DYNC2H1: variants seen among roughly 807,000 people sequenced by gnomAD.
DYNC2H1 encodes the protein cytoplasmic dynein 2 heavy chain 1.
Under a neutral mutation model 570.0 loss-of-function variants are expected in DYNC2H1, and 410 were observed. The ratio of observed to expected loss-of-function variants is 0.72; its 90% confidence interval spans 0.66 to 0.78. The LOEUF is 0.78. Among genes scored for constraint, DYNC2H1 ranks in the 30% least tolerant of loss-of-function variants. DYNC2H1 has a pLI of 0.00. For missense variants in DYNC2H1, 4,865 were observed against 5,046.4 expected, an observed-to-expected ratio of 0.96 and a Z score of 1.09; for synonymous variants, 1,688 against 1,677.6, an observed-to-expected ratio of 1.01 and a Z score of -0.15.
At chr11:103,236,676 C>A in intron 63 of DYNC2H1, 137 bp downstream of exon 63, 1 of 478,318 alleles carries the variant, frequency 2.1e-6, no homozygotes, top group Non-Finnish European at 3.7e-6. Context: ...TAATGAAAAC[C>A]CATCAATGAT....
chr11:103,231,387 G>A (rs1160447172), intron 60 of DYNC2H1, 41 bp downstream of exon 60: 2 of 1,308,648 alleles, frequency 1.5e-6, no homozygotes, highest in Admixed American at 2.2e-5. Context: ...AATGCTGAGA[G>A]TGTTTACATT....
At chr11:103,168,332 G>A (rs1419752806) in intron 31 of DYNC2H1, among the ~76,000 whole-genome samples, 4 of 152,114 alleles carry the variant, frequency 2.6e-5, no homozygotes, top group South Asian at 2.1e-4. Flanking sequence ...CAGAAGGGGG[G>A]AAAAATACAA....
intron 84 of DYNC2H1, among the ~76,000 whole-genome samples, chr11:103,421,345 A>C (rs367969869): frequency 1.3e-5 from 2 of 152,176 alleles, no homozygotes; most frequent in Non-Finnish European, 2.9e-5. Context: ...GCTAAGGATC[A>C]GGTGGATGTG....
intron 84 of DYNC2H1, among the ~76,000 whole-genome samples, chr11:103,435,630 A>G (rs1416132373): frequency 6.6e-6 from 1 of 152,134 alleles, no homozygotes; most frequent in Non-Finnish European, 1.5e-5. Context: ...TTTACCACTT[A>G]TAAAATGAAT....
chr11:103,472,703 T>C lies in DYNC2H1; in HGVS notation c.12765+3998T>C, dbSNP rs947051595. ...GTGTTTCAAATACAAGATATTAAGC[T>C]TTAAAAAAAATTTTGAAATAGGAAT... On this transcript the variant is annotated intron_variant, in intron 88 of 88. Transcript: ENST00000375735. This position sits in a 1 kb window ranked among gnomAD's most constrained non-coding sequence, Gnocchi z 4.1. Among the ~76,000 whole-genome samples, 1 of 152,070 alleles carries C rather than the reference T, an allele frequency of 6.6e-6. No individual in the cohort carries two copies. The highest frequency in any genetic ancestry group is 2.1e-4 in the South Asian group (1 of 4,830).
intron 75 of DYNC2H1, among the ~76,000 whole-genome samples, chr11:103,294,133 G>C (rs924712256): frequency 6.6e-6 from 1 of 152,158 alleles, no homozygotes; most frequent in Admixed American, 6.5e-5. Flanking sequence ...AAAGTTCATT[G>C]CATTTCCTCA....
At chr11:103,231,951 A>G (rs1433538005) in intron 60 of DYNC2H1, among the ~76,000 whole-genome samples, 1 of 152,034 alleles carries the variant, frequency 6.6e-6, no homozygotes, top group Non-Finnish European at 1.5e-5. Flanking sequence ...ACTTATAGAA[A>G]AAAATCAAAC....
At chr11:103,297,342 CAT>C (rs1302886357) in intron 75 of DYNC2H1, among the ~76,000 whole-genome samples, 1 of 151,990 alleles carries the variant, frequency 6.6e-6, no homozygotes, top group Non-Finnish European at 1.5e-5. Flanking sequence ...AAAGTACAGT[CAT>C]GTGTTGTTAA....
At chr11:103,120,331 CT>C (rs762717435) in intron 6 of DYNC2H1, 115 bp from the exon 7 acceptor site, 2 of 1,018,346 alleles carry the variant, frequency 2.0e-6, no homozygotes, top group Non-Finnish European at 1.4e-6. Context: ...TTGGTTTTTT[CT>C]TTTTTTAGTA....
rs1862795642 is a variant in DYNC2H1, at chr11:103,203,419, A to C, written c.8198-244A>C. On this transcript the variant is annotated intron_variant, in intron 50 of 88. Transcript: ENST00000375735. This position sits in a 1 kb window ranked among gnomAD's most constrained non-coding sequence, Gnocchi z 4.7. Reference sequence around the variant, plus strand: ...GCTAGAGTACAAGGTCTTATGGAGGAAGATGGAAAAATAACCAGTAAAGGT... The same window carrying C: ...GCTAGAGTACAAGGTCTTATGGAGGCAGATGGAAAAATAACCAGTAAAGGT... Among the ~76,000 whole-genome samples the C allele has an allele frequency of 1.3e-5, 2 of 152,068 alleles. No individual in the cohort carries two copies. Among genetic ancestry groups the C allele is most frequent in the Admixed American group, 1.3e-4 (2 of 15,270 alleles).
intron 75 of DYNC2H1, among the ~76,000 whole-genome samples, chr11:103,294,060 G>A (rs1255770676): frequency 6.6e-6 from 1 of 152,188 alleles, no homozygotes; most frequent in Non-Finnish European, 1.5e-5. Context: ...GCCTGGGCTA[G>A]TGAGAGTGTC....
intron 1 of DYNC2H1, among the ~76,000 whole-genome samples, chr11:103,112,403 G>C (rs1858155121): frequency 6.6e-6 from 1 of 152,172 alleles, no homozygotes; most frequent in Admixed American, 6.6e-5. Flanking sequence ...TATGCTTTAG[G>C]ACAGAGGTTG....
At chr11:103,409,888 T>C (rs1943011874) in intron 84 of DYNC2H1, among the ~76,000 whole-genome samples, 1 of 150,814 alleles carries the variant, frequency 6.6e-6, no homozygotes, top group East Asian at 1.9e-4. Context: ...TGCTTTTTAA[T>C]GCTTGATTCA....
intron 63 of DYNC2H1, among the ~76,000 whole-genome samples, chr11:103,242,075 C>G (rs746490558): frequency 4.0e-5 from 6 of 151,768 alleles, no homozygotes; most frequent in Non-Finnish European, 8.8e-5. Flanking sequence ...GGCATGTGTT[C>G]CAAGACCCTC....
chr11:103,162,969 A>C, intron 29 of DYNC2H1, 59 bp from the exon 30 acceptor site: 1 of 1,454,008 alleles, frequency 6.9e-7, no homozygotes, highest in Non-Finnish European at 9.5e-7. Flanking sequence ...TGTCTTATAT[A>C]TATTATTTTC....
At chr11:103,434,331 C>T (rs10502014) in intron 84 of DYNC2H1, among the ~76,000 whole-genome samples, 6,371 of 152,048 alleles carry the variant, frequency 0.042, 254 homozygotes, top group East Asian at 0.19. Context: ...TTCTTTCTAT[C>T]TTAGGCTTCT....
rs794727942 is a variant in DYNC2H1 at position 103,321,228 on chromosome 11, C to T, written c.11925C>T (p.Cys3975=). The change falls in exon 81 of 89, where the codon TGC becomes TGT. Residue 3975 remains cysteine, a synonymous_variant. Coordinates refer to ENST00000375735, the MANE Select transcript of DYNC2H1 (RefSeq NM_001377.3). ...FPYSVSLPQS[C]SILDYRAVIE... is the part of the protein sequence containing the mutation. The stretch of plus-strand genomic sequence containing the variant: ...ATTCCGTATCTCTACCACAATCCTG[C>T]AGCATTTTGGTAGGTAAAATGAATG... 6.2e-6 allele frequency: 10 copies of T among 1,605,956 alleles called. No individual in the cohort carries two copies. Among genetic ancestry groups the T allele is most frequent in the South Asian group, 4.5e-5 (4 of 89,770 alleles).
chr11:103,317,989 G>C (rs1937954827), intron 80 of DYNC2H1, among the ~76,000 whole-genome samples: 1 of 152,010 alleles, frequency 6.6e-6, no homozygotes, highest in Admixed American at 6.6e-5. Context: ...GTTTATAACA[G>C]TGCCTAGCCC....
intron 40 of DYNC2H1, among the ~76,000 whole-genome samples, chr11:103,183,338 G>A (rs142728646): frequency 9.2e-5 from 14 of 151,848 alleles, no homozygotes; most frequent in South Asian, 2.1e-4. Context: ...TAGGAGTATC[G>A]TATTAGATGG....
Sources: allele counts gnomAD v4.1 joint callset (sites outside exome capture counted in the v4.1 genomes callset), GRCh38; gene constraint gnomAD v4.1.1; non-coding constraint Gnocchi (gnomAD v3.1); transcripts MANE v1.5; gene names NCBI Gene and HGNC (gene_info 2026-07-23, HGNC 2026-07-21).